Variants in TCERG1L observed in about 807,000 individuals in gnomAD.
TCERG1L encodes transcription elongation regulator 1 like.
In TCERG1L, 37 loss-of-function variants were observed where a neutral mutation model predicts 56.3. That is an observed-to-expected ratio of 0.66 (90% CI 0.51 to 0.87). The LOEUF is 0.87. Ranked by LOEUF, TCERG1L falls within the 40% of genes least tolerant of loss-of-function variation. The pLI is 0.00. For missense variants in TCERG1L, 799 were observed against 774.2 expected, an observed-to-expected ratio of 1.03 and a Z score of -0.38; for synonymous variants, 324 against 326.3, an observed-to-expected ratio of 0.99 and a Z score of 0.08.
At chr10:131,117,619 G>A (rs962669872) in intron 8 of TCERG1L, among the ~76,000 whole-genome samples, 1 of 152,186 alleles carries the variant, frequency 6.6e-6, no homozygotes, top group African/African-American at 2.4e-5. Context: ...GCACAAGGTG[G>A]AACCAAGGGT....
intron 3 of TCERG1L, among the ~76,000 whole-genome samples, chr10:131,288,714 GAA>G (rs1244204622): frequency 2.0e-5 from 3 of 152,190 alleles, no homozygotes; most frequent in African/African-American, 7.2e-5. Flanking sequence ...GTCCTTGTAA[GAA>G]AAAGAGAGGC....
chr10:131,297,011 G>T (rs1006760635), intron 3 of TCERG1L, among the ~76,000 whole-genome samples: 1 of 152,114 alleles, frequency 6.6e-6, no homozygotes, highest in Non-Finnish European at 1.5e-5. Context: ...AGTCTATATC[G>T]TCATTTGTCT....
rs769366473 is a variant in TCERG1L at position 131,208,780 on chromosome 10, G to A, written c.857-41895C>T. ...GTCAAAACACAGTCAAAACTTGGCC[G>A]GGCGCAGTGGCTCACGCCTGTAATC... On this transcript the variant is annotated intron_variant, in intron 4 of 11. Transcript: ENST00000368642. Among the ~76,000 whole-genome samples the A allele has an allele frequency of 9.2e-5, 14 of 152,172 alleles. 1 individual carries two copies. The South Asian group carries it at 1.0e-3, about 11-fold the overall frequency.
At chr10:131,116,733 G>A (rs1480243106) in intron 9 of TCERG1L, 66 bp downstream of exon 9, 23 of 1,536,204 alleles carry the variant, frequency 1.5e-5, no homozygotes, top group Middle Eastern at 1.9e-4. Context: ...AGGCAGGGAC[G>A]GCCACTCAGC....
chr10:131,239,064 G>A (rs1191153864), intron 4 of TCERG1L, among the ~76,000 whole-genome samples: 1 of 152,234 alleles, frequency 6.6e-6, no homozygotes, highest in Non-Finnish European at 1.5e-5. Context: ...ACCAAGCCGA[G>A]TGCTGTTCCC....
At chr10:131,143,932 A>G (rs1845766690) in intron 7 of TCERG1L, among the ~76,000 whole-genome samples, 1 of 152,216 alleles carries the variant, frequency 6.6e-6, no homozygotes. Context: ...CAGAATGACA[A>G]AGCGGACTCT....
At chr10:131,225,994 G>C (rs1845787537) in intron 4 of TCERG1L, among the ~76,000 whole-genome samples, 2 of 152,238 alleles carry the variant, frequency 1.3e-5, no homozygotes. Flanking sequence ...CTACAGTGCA[G>C]TGGTGCCATC....
chr10:131,175,309 C>T (rs2133444677), intron 4 of TCERG1L, among the ~76,000 whole-genome samples: 1 of 152,368 alleles, frequency 6.6e-6, no homozygotes, highest in South Asian at 2.1e-4. Context: ...GTGAGGAGAG[C>T]CCAGTGCCTG....
intron 8 of TCERG1L, among the ~76,000 whole-genome samples, chr10:131,127,876 C>A (rs918956223): frequency 2.0e-5 from 3 of 152,092 alleles, no homozygotes; most frequent in Admixed American, 2.0e-4. Context: ...ACGGTCCCAG[C>A]CCACATACCA....
intron 3 of TCERG1L, among the ~76,000 whole-genome samples, chr10:131,290,354 G>A (rs572964156): frequency 2.6e-5 from 4 of 152,274 alleles, no homozygotes; most frequent in African/African-American, 9.6e-5. Context: ...ACATTAGGCC[G>A]GGCATGGTGG....
intron 3 of TCERG1L, among the ~76,000 whole-genome samples, chr10:131,303,388 C>CT: frequency 6.6e-6 from 1 of 152,118 alleles, no homozygotes; most frequent in Admixed American, 6.5e-5. Context: ...TGATGATGAG[C>CT]TTTTTTTATA....
At chr10:131,140,962 C>G (rs1845731678) in intron 7 of TCERG1L, among the ~76,000 whole-genome samples, 1 of 152,186 alleles carries the variant, frequency 6.6e-6, no homozygotes, top group East Asian at 1.9e-4. Flanking sequence ...GATGCTGAAA[C>G]TGGACTTCTC....
At chr10:131,140,519 G>C (rs899016488) in intron 7 of TCERG1L, among the ~76,000 whole-genome samples, 3 of 152,204 alleles carry the variant, frequency 2.0e-5, no homozygotes, top group Admixed American at 6.5e-5. Context: ...TGAACCCCAG[G>C]TCACGCCTTA....
At chr10:131,126,640 C>A (rs1845568411) in intron 8 of TCERG1L, among the ~76,000 whole-genome samples, 1 of 152,186 alleles carries the variant, frequency 6.6e-6, no homozygotes, top group African/African-American at 2.4e-5. Context: ...TGCCAGGCTT[C>A]CCCAGCAATT....
intron 7 of TCERG1L, among the ~76,000 whole-genome samples, chr10:131,138,611 T>C (rs1845699862): frequency 6.6e-6 from 1 of 152,202 alleles, no homozygotes; most frequent in South Asian, 2.1e-4. Context: ...GAAGTCCATG[T>C]GTAAAAATTA....
At chr10:131,198,205 T>C (rs1345675594) in intron 4 of TCERG1L, among the ~76,000 whole-genome samples, 1 of 152,242 alleles carries the variant, frequency 6.6e-6, no homozygotes, top group East Asian at 1.9e-4. Flanking sequence ...AGGTGTGGTG[T>C]GTTTATCACT....
Position 131,213,292 on chromosome 10 carries a change from C to T in TCERG1L, c.857-46407G>A, listed in dbSNP as rs891031144. Among the ~76,000 whole-genome samples the T allele has an allele frequency of 5.9e-5, 9 of 152,228 alleles. No individual in the cohort carries two copies. The South Asian group carries it at 6.2e-4, about 11-fold the overall frequency. On this transcript the variant is annotated intron_variant, in intron 4 of 11. Coordinates refer to ENST00000368642, the MANE Select transcript of TCERG1L (RefSeq NM_174937.4). Reference sequence around the variant, plus strand: ...CCAGACTCATCAGAACCCACACCTGCACCCAGGCTCACCCGTGAACGTGGG... The same window carrying T: ...CCAGACTCATCAGAACCCACACCTGTACCCAGGCTCACCCGTGAACGTGGG...
intron 4 of TCERG1L, among the ~76,000 whole-genome samples, chr10:131,197,545 A>G (rs1845379736): frequency 6.6e-6 from 1 of 152,104 alleles, no homozygotes. Flanking sequence ...TACAAAACAC[A>G]AAATGCAAGA....
At position 131,159,802 on chromosome 10, in the gene TCERG1L, G is replaced by A. The variant is rs552058697; in HGVS notation, c.1034+3320C>T. Among the ~76,000 whole-genome samples the A allele has an allele frequency of 8.5e-5, 13 of 152,206 alleles. 1 individual carries two copies. In the East Asian group the frequency reaches 2.3e-3, roughly 27 times the overall value. On this transcript the variant is annotated intron_variant, in intron 6 of 11. Coordinates refer to ENST00000368642, the MANE Select transcript of TCERG1L (RefSeq NM_174937.4). The stretch of plus-strand genomic sequence containing the variant: ...GCCATTAGTGAGGATGTCACATCAC[G>A]AGGCACACAAAGCCCTCCTTGACAG...
Sources: gnomAD v4.1 joint callset for allele counts (sites outside exome capture counted in the v4.1 genomes callset) on GRCh38, gnomAD v4.1.1 for gene constraint, MANE v1.5 for transcripts, NCBI Gene and HGNC (gene_info 2026-07-23, HGNC 2026-07-21) for gene names.